The following MACROD2 variants were observed in gnomAD, a reference collection of about 807,000 sequenced individuals.
MACROD2 encodes mono-ADP ribosylhydrolase 2.
In MACROD2, 36 loss-of-function variants were observed where a neutral mutation model predicts 70.4. The ratio of observed to expected loss-of-function variants is 0.51; its 90% CI spans 0.39 to 0.68. The LOEUF is 0.68. Among genes scored for constraint, MACROD2 ranks in the 30% least tolerant of loss-of-function variants. The probability of loss-of-function intolerance (pLI) is 0.00; values close to 1 mark genes in which losing one functional copy is unlikely to be tolerated. For synonymous variants in MACROD2, 172 were observed against 178.8 expected (o/e 0.96, Z 0.30); for missense variants, 496 against 538.4 (o/e 0.92, Z 0.78).
intron 8 of MACROD2, among the ~76,000 whole-genome samples, chr20:15,553,892 G>A (rs1040524318): frequency 2.0e-5 from 3 of 152,186 alleles, no homozygotes; most frequent in African/African-American, 7.2e-5. Context: ...GTTTAGGCCT[G>A]GAGACTTCAT....
intron 5 of MACROD2, among the ~76,000 whole-genome samples, chr20:14,928,772 A>T (rs2074264149): frequency 6.6e-6 from 1 of 152,196 alleles, no homozygotes; most frequent in Non-Finnish European, 1.5e-5. Context: ...CCCAACCCAC[A>T]TCTTCTCAAA....
intron 5 of MACROD2, among the ~76,000 whole-genome samples, chr20:14,998,187 A>G (rs1254503516): frequency 6.6e-6 from 1 of 152,200 alleles, no homozygotes; most frequent in Non-Finnish European, 1.5e-5. Flanking sequence ...ATACCTAACT[A>G]TTTAATATTC....
intron 6 of MACROD2, among the ~76,000 whole-genome samples, chr20:15,416,030 T>G (rs1267040976): frequency 6.6e-6 from 1 of 152,162 alleles, no homozygotes; most frequent in East Asian, 1.9e-4. Context: ...CTCCTTGTGG[T>G]TGCTGGTTGG....
At chr20:14,716,391 G>T (rs1656577650) in intron 5 of MACROD2, among the ~76,000 whole-genome samples, 2 of 152,158 alleles carry the variant, frequency 1.3e-5, no homozygotes, top group African/African-American at 4.8e-5. Flanking sequence ...ATGATCACAG[G>T]GGAGTGAGCA....
chr20:15,189,696 C>G (rs1293798884), intron 5 of MACROD2, among the ~76,000 whole-genome samples: 1 of 152,034 alleles, frequency 6.6e-6, no homozygotes, highest in African/African-American at 2.4e-5. Flanking sequence ...ATAAAAATAT[C>G]CTGGTGTTCA....
intron 8 of MACROD2, among the ~76,000 whole-genome samples, chr20:15,520,284 A>T (rs1441335416): frequency 2.6e-5 from 4 of 152,214 alleles, no homozygotes; most frequent in Non-Finnish European, 5.9e-5. Flanking sequence ...CAGGAGAAGA[A>T]CCTGTCTTAT....
chr20:15,084,410 A>G lies in MACROD2; in HGVS notation c.419-145530A>G, dbSNP rs995467655. On this transcript the variant is annotated intron_variant, in intron 5 of 17. Transcript: ENST00000684519. The stretch of plus-strand genomic sequence containing the variant: ...ATCTCTCTTGCTTTTCCTCTTCACC[A>G]TGAGATCACCATAGCCATGTGGAGC... Among the ~76,000 whole-genome samples the G allele has an allele frequency of 3.3e-5, 5 of 152,158 alleles. No homozygotes were observed. The South Asian group carries it at 8.3e-4, about 25-fold the overall frequency.
chr20:14,150,079 A>G (rs2054997377), intron 3 of MACROD2, among the ~76,000 whole-genome samples: 1 of 151,710 alleles, frequency 6.6e-6, no homozygotes, highest in African/African-American at 2.4e-5. Flanking sequence ...TTCCCCCATC[A>G]TCCCTTCTTC....
At chr20:15,912,534 G>C (rs2065252220) in intron 10 of MACROD2, among the ~76,000 whole-genome samples, 1 of 152,122 alleles carries the variant, frequency 6.6e-6, no homozygotes, top group African/African-American at 2.4e-5. Flanking sequence ...TGAACCCTGA[G>C]GTTTTTCTTT....
At chr20:14,803,744 G>C (rs1008880269) in intron 5 of MACROD2, among the ~76,000 whole-genome samples, 1 of 152,068 alleles carries the variant, frequency 6.6e-6, no homozygotes, top group Non-Finnish European at 1.5e-5. Flanking sequence ...GCCTCCCAAA[G>C]TGCTGGGATT....
intron 8 of MACROD2, among the ~76,000 whole-genome samples, chr20:15,842,640 G>C (rs1449287826): frequency 2.0e-5 from 3 of 151,398 alleles, no homozygotes; most frequent in African/African-American, 4.9e-5. Flanking sequence ...AAATTCTACT[G>C]TTACTCATTT....
intron 5 of MACROD2, among the ~76,000 whole-genome samples, chr20:15,221,869 G>C (rs891677756): frequency 1.3e-5 from 2 of 152,206 alleles, no homozygotes; most frequent in African/African-American, 4.8e-5. Context: ...TTCCAGTTGA[G>C]CTGAAAGTAT....
intron 6 of MACROD2, among the ~76,000 whole-genome samples, chr20:15,318,990 C>T (rs1215399420): frequency 6.6e-6 from 1 of 151,972 alleles, no homozygotes; most frequent in East Asian, 1.9e-4. Context: ...AAATAAGGAG[C>T]ATTAAAATTG....
chr20:15,010,866 G>A (rs1283919713), intron 5 of MACROD2, among the ~76,000 whole-genome samples: 2 of 152,116 alleles, frequency 1.3e-5, no homozygotes, highest in Non-Finnish European at 2.9e-5. Flanking sequence ...ACACCTAAGA[G>A]CACTATGAGT....
At position 14,347,167 on chromosome 20, in the gene MACROD2, TAGCAACA is replaced by T. The variant is rs2083072564; in HGVS notation, c.272-146311_272-146305del. On this transcript the variant is annotated intron_variant, in intron 3 of 17. Coordinates refer to ENST00000684519, the MANE Select transcript of MACROD2 (RefSeq NM_001351661.2). ...AAGGAGAGAATCAGAGGTGCTAAGA[TAGCAACA>T]GCATGTTAATTTGAGGTGAAAAGTG... 3.9e-5 allele frequency among the ~76,000 whole-genome samples: 6 copies of T among 152,308 alleles called. No homozygotes were observed. In the South Asian group the frequency reaches 1.0e-3, roughly 26 times the overall value.
chr20:14,863,942 A>G (rs1355519236), intron 5 of MACROD2, among the ~76,000 whole-genome samples: 1 of 152,066 alleles, frequency 6.6e-6, no homozygotes, highest in Non-Finnish European at 1.5e-5. Context: ...GAAGTTTGCC[A>G]TATTCTTCCC....
chr20:14,221,281 C>G (rs531276352), intron 3 of MACROD2, among the ~76,000 whole-genome samples: 140 of 152,180 alleles, frequency 9.2e-4, no homozygotes, highest in Non-Finnish European at 1.7e-3. Flanking sequence ...GCCATGTAAA[C>G]TTAAAATTGT....
chr20:15,175,379 GTAAC>G (rs1049402009), intron 5 of MACROD2, among the ~76,000 whole-genome samples: 67 of 152,006 alleles, frequency 4.4e-4, no homozygotes, highest in African/African-American at 7.2e-4. Context: ...GTATACATAT[GTAAC>G]TAACCTGCAC....
intron 5 of MACROD2, among the ~76,000 whole-genome samples, chr20:14,787,409 A>G (rs1332696505): frequency 2.0e-5 from 3 of 152,136 alleles, no homozygotes; most frequent in Non-Finnish European, 4.4e-5. Flanking sequence ...TGCCTGGGGA[A>G]AAGTTCAAAG....
Sources: allele counts gnomAD v4.1 joint callset (sites outside exome capture counted in the v4.1 genomes callset), GRCh38; gene constraint gnomAD v4.1.1; transcripts MANE v1.5; gene names NCBI Gene and HGNC (gene_info 2026-07-23, HGNC 2026-07-21).